GALNT17: variants seen among roughly 807,000 people sequenced by gnomAD.
The protein encoded by GALNT17 is polypeptide N-acetylgalactosaminyltransferase 17, also known as UDP-GalNAc:polypeptide N-acetylgalactosaminyltransferase-like 3.
GALNT17 carries 29 observed loss-of-function variants against 63.7 expected under a neutral mutation model. The ratio of observed to expected loss-of-function variants is 0.46; its 90% confidence interval spans 0.34 to 0.62. GALNT17 has a LOEUF of 0.62. Among genes scored for constraint, GALNT17 ranks in the 20% least tolerant of loss-of-function variants. The pLI is 0.01. For synonymous variants in GALNT17, 305 were observed against 318.3 expected, an observed-to-expected ratio of 0.96 and a Z score of 0.45; for missense variants, 603 against 799.6, an observed-to-expected ratio of 0.75 and a Z score of 2.97.
In GALNT17 at chr7:71,376,053, T is replaced by G. The variant is rs187137418; in HGVS notation, c.423-12182T>G. On this transcript the variant is annotated intron_variant, in intron 2 of 10. Transcript: ENST00000333538. ...AAGATTGTGCCACTGCACTCCAGCC[T>G]GGGCCATAGCGTGAGACTCCATCTC... 2.9e-4 allele frequency among the ~76,000 whole-genome samples: 44 copies of G among 150,400 alleles called. No homozygotes were observed. In the East Asian group the frequency reaches 8.4e-3, roughly 29 times the overall value.
intron 9 of GALNT17, among the ~76,000 whole-genome samples, chr7:71,686,791 C>G (rs921377989): frequency 2.6e-5 from 4 of 152,126 alleles, no homozygotes; most frequent in African/African-American, 9.7e-5. Flanking sequence ...AAACCTAACA[C>G]GTTCCTGCAA....
intron 5 of GALNT17, among the ~76,000 whole-genome samples, chr7:71,564,963 GTTACA>G (rs1344435099): frequency 2.0e-5 from 3 of 152,100 alleles, no homozygotes; most frequent in African/African-American, 7.2e-5. Context: ...ATAAAACCCA[GTTACA>G]TTAAAGTATC....
At chr7:71,475,127 G>A (rs1488765548) in intron 5 of GALNT17, among the ~76,000 whole-genome samples, 1 of 152,208 alleles carries the variant, frequency 6.6e-6, no homozygotes, top group Non-Finnish European at 1.5e-5. Flanking sequence ...CAGAATGTGA[G>A]AGAATCAATT....
chr7:71,564,308 G>A (rs1366744717), intron 5 of GALNT17, among the ~76,000 whole-genome samples: 2 of 89,350 alleles, frequency 2.2e-5, no homozygotes, highest in African/African-American at 8.0e-5. Flanking sequence ...TTTTTGAGAT[G>A]GAGTCTCACT....
chr7:71,701,239 C>A lies in GALNT17; in HGVS notation c.1501-9522C>A, dbSNP rs542603808. Among the ~76,000 whole-genome samples, 5 of 152,296 alleles carry A rather than the reference C, an allele frequency of 3.3e-5. No individual in the cohort carries two copies. In the South Asian group the frequency reaches 1.0e-3, roughly 32 times the overall value. ...CGATGGCTCACGCCTGTAATCCCAGCACTTTGGGAGGCCGAGGTAGGCAGA... is the reference window on the plus strand; with the variant it reads ...CGATGGCTCACGCCTGTAATCCCAGAACTTTGGGAGGCCGAGGTAGGCAGA... On this transcript the variant is annotated intron_variant, in intron 9 of 10. Coordinates refer to ENST00000333538, the MANE Select transcript of GALNT17 (RefSeq NM_022479.3).
chr7:71,201,395 T>C (rs1789169090), intron 1 of GALNT17, among the ~76,000 whole-genome samples: 1 of 151,936 alleles, frequency 6.6e-6, no homozygotes. Flanking sequence ...ATTGAGTGAA[T>C]GAATGTTTAT....
chr7:71,589,526 C>G (rs1216710073), intron 6 of GALNT17, among the ~76,000 whole-genome samples: 1 of 151,420 alleles, frequency 6.6e-6, no homozygotes, highest in Non-Finnish European at 1.5e-5. Context: ...GAGCTATAAT[C>G]ATAACACTAC....
In GALNT17 at chr7:71,460,282, G is replaced by A. The variant is rs549373015; in HGVS notation, c.962+39177G>A. On this transcript the variant is annotated intron_variant, in intron 5 of 10. Coordinates refer to ENST00000333538, the MANE Select transcript of GALNT17 (RefSeq NM_022479.3). Reference sequence around the variant, plus strand: ...ACAAGGATGGCAGCATTGGACCATAGGAGTGGGAGGGAAAAGTAAGCTACC... The same window carrying A: ...ACAAGGATGGCAGCATTGGACCATAAGAGTGGGAGGGAAAAGTAAGCTACC... 2.0e-5 allele frequency among the ~76,000 whole-genome samples: 3 copies of A among 152,250 alleles called. No individual in the cohort carries two copies. In the South Asian group the frequency reaches 6.2e-4, roughly 32 times the overall value.
At chr7:71,212,714 T>C (rs1001009244) in intron 1 of GALNT17, among the ~76,000 whole-genome samples, 2 of 152,142 alleles carry the variant, frequency 1.3e-5, no homozygotes, top group African/African-American at 4.8e-5. Flanking sequence ...ATGTGAGACC[T>C]GGAGTCAAAG....
chr7:71,694,176 T>C (rs976452439), intron 9 of GALNT17, among the ~76,000 whole-genome samples: 1 of 152,056 alleles, frequency 6.6e-6, no homozygotes, highest in Non-Finnish European at 1.5e-5. Flanking sequence ...GTGAGACTTA[T>C]TCACTATCTC....
intron 1 of GALNT17, among the ~76,000 whole-genome samples, chr7:71,263,454 C>G (rs1286442119): frequency 6.6e-6 from 1 of 152,216 alleles, no homozygotes; most frequent in East Asian, 1.9e-4. Flanking sequence ...TCTGTTGTTT[C>G]AGCCACCCAG....
At chr7:71,297,647 A>G (rs1240220729) in intron 1 of GALNT17, among the ~76,000 whole-genome samples, 1 of 152,176 alleles carries the variant, frequency 6.6e-6, no homozygotes, top group Non-Finnish European at 1.5e-5. Context: ...TGTTCATAGC[A>G]GCCTTTCTCA....
At chr7:71,571,227 T>C (rs1789437043) in intron 5 of GALNT17, 58 bp from the exon 6 acceptor site, 1 of 1,475,650 alleles carries the variant, frequency 6.8e-7, no homozygotes, top group Non-Finnish European at 9.5e-7. Context: ...ACGGTGCCTA[T>C]GGAAGGGCTT....
At chr7:71,297,282 C>T (rs774958299) in intron 1 of GALNT17, among the ~76,000 whole-genome samples, 1 of 152,202 alleles carries the variant, frequency 6.6e-6, no homozygotes, top group South Asian at 2.1e-4. Flanking sequence ...GTGGCTCATG[C>T]CTGTAATCCC....
In GALNT17 at chr7:71,679,769, G is replaced by A. The variant is rs139001675; in HGVS notation, c.1500+2463G>A. ...GCACGCTGCAGTGGGCAGCAGAATC[G>A]TCCCCAAGGCTGCGACAACACCAGC... On this transcript the variant is annotated intron_variant, in intron 9 of 10. Transcript: ENST00000333538. Among the ~76,000 whole-genome samples, 733 of 152,090 alleles carry A rather than the reference G, an allele frequency of 4.8e-3. 9 individuals are homozygous for A. The highest frequency in any genetic ancestry group is 0.017 in the African/African-American group (694 of 41,480).
chr7:71,646,363 G>C (rs1790675854), intron 6 of GALNT17, among the ~76,000 whole-genome samples: 1 of 152,194 alleles, frequency 6.6e-6, no homozygotes, highest in South Asian at 2.1e-4. Context: ...ACCCAGCTCA[G>C]CATGGCAGGA....
intron 8 of GALNT17, among the ~76,000 whole-genome samples, chr7:71,670,973 C>T (rs1405258382): frequency 6.6e-6 from 1 of 151,514 alleles, no homozygotes. Context: ...TTACTAAAAC[C>T]ATTCCATTCA....
intron 1 of GALNT17, among the ~76,000 whole-genome samples, chr7:71,172,220 C>G (rs2116287440): frequency 6.6e-6 from 1 of 152,134 alleles, no homozygotes; most frequent in African/African-American, 2.4e-5. Flanking sequence ...AATCCCAGCA[C>G]TTTGAGAGGC....
intron 1 of GALNT17, among the ~76,000 whole-genome samples, chr7:71,315,677 G>C (rs1188606265): frequency 6.6e-6 from 1 of 152,146 alleles, no homozygotes; most frequent in Non-Finnish European, 1.5e-5. Context: ...CTGAGGTTAA[G>C]GCTATATGAT....
Sources: allele counts gnomAD v4.1 joint callset (sites outside exome capture counted in the v4.1 genomes callset), GRCh38; gene constraint gnomAD v4.1.1; transcripts MANE v1.5; gene names NCBI Gene and HGNC (gene_info 2026-07-23, HGNC 2026-07-21).